Variants in ZCWPW2 observed in about 807,000 individuals in gnomAD.
ZCWPW2 encodes zinc finger CW-type PWWP domain protein 2.
In ZCWPW2, 45 loss-of-function variants were observed where a neutral mutation model predicts 46.6. That is an observed-to-expected ratio of 0.96 (90% CI 0.76 to 1.24). The LOEUF is 1.24. Ranked by LOEUF, ZCWPW2 falls within the 50% of genes most tolerant of loss-of-function variation. The probability of loss-of-function intolerance (pLI) is 0.00; values close to 1 mark genes in which losing one functional copy is unlikely to be tolerated. For missense variants in ZCWPW2, 429 were observed against 403.9 expected (o/e 1.06, Z -0.53); for synonymous variants, 152 against 137.1 (o/e 1.11, Z -0.76).
In ZCWPW2 at chr3:28,435,310, A is replaced by G. The variant is rs574096536; in HGVS notation, c.492+41A>G. The G allele has an allele frequency of 6.5e-6, 10 of 1,540,324 alleles. No individual in the cohort carries two copies. In the Admixed American group the frequency reaches 1.4e-4, roughly 21 times the overall value. On this transcript the variant is annotated intron_variant, in intron 4 of 9. Transcript: ENST00000383768. ...TCAAAACTTTATTCTTCTTGCACTT[A>G]TTTTTAGTTATGGTAATTTTTATCT...
At chr3:28,465,676 C>T (rs1698793448) in intron 4 of ZCWPW2, among the ~76,000 whole-genome samples, 1 of 151,380 alleles carries the variant, frequency 6.6e-6, no homozygotes. Flanking sequence ...TCAAAAGTGC[C>T]CACACAAGAA....
rs1173120068 is a variant in ZCWPW2 at position 28,413,155 on chromosome 3, G to C, written c.87G>C (p.Val29=). Residue 29 remains valine, a synonymous_variant, in exon 3 of 10, where the codon GTG becomes GTC. Transcript: ENST00000383768. ...SSVENMYVNK[V]WVQCENENCL... ...TGGAAAACATGTATGTAAACAAAGT[G>C]TGGGTTCAATGTGAGAATGAAAATT... 2 of 1,613,274 alleles carry C rather than the reference G, an allele frequency of 1.2e-6. No homozygotes were observed. Among genetic ancestry groups the C allele is most frequent in the East Asian group, 4.5e-5 (2 of 44,824 alleles).
chr3:28,447,544 A>C (rs756063695), intron 4 of ZCWPW2, among the ~76,000 whole-genome samples: 3 of 152,216 alleles, frequency 2.0e-5, no homozygotes, highest in African/African-American at 7.2e-5. Context: ...ACTCATGGCA[A>C]ACATTATATT....
chr3:28,444,943 C>T (rs1697926004), intron 4 of ZCWPW2, among the ~76,000 whole-genome samples: 2 of 152,032 alleles, frequency 1.3e-5, no homozygotes, highest in Admixed American at 1.3e-4. Flanking sequence ...AAAGTGTTCA[C>T]ACCAAGGAGT....
intron 3 of ZCWPW2, among the ~76,000 whole-genome samples, chr3:28,421,834 T>TTGTGTG (rs71087697): frequency 0.11 from 15,198 of 133,746 alleles, 982 homozygotes; most frequent in Middle Eastern, 0.18. Flanking sequence ...GGAGAATAGT[T>TTGTGTG]TGTGTGTGTG....
intron 1 of ZCWPW2, among the ~76,000 whole-genome samples, chr3:28,363,332 C>T (rs539485376): frequency 6.6e-6 from 1 of 152,068 alleles, no homozygotes; most frequent in Non-Finnish European, 1.5e-5. Flanking sequence ...TAAACAAGTA[C>T]TTTACCAAAG....
rs564031376 is a variant in ZCWPW2 at position 28,460,843 on chromosome 3, G to A, written c.493-17971G>A. On this transcript the variant is annotated intron_variant, in intron 4 of 9. Coordinates refer to ENST00000383768, the MANE Select transcript of ZCWPW2 (RefSeq NM_001040432.4). ...TTAGAGTCAGCTACACTGCAACTTT[G>A]AATGTATAAATAGCAGTAATTGACA... The A allele has an allele frequency of 1.8e-5, 3 of 164,430 alleles. No individual in the cohort carries two copies. In the South Asian group the frequency reaches 4.4e-4, roughly 24 times the overall value. 10.2% of individuals were successfully genotyped at this position (164,430 alleles called of 1,614,324 possible). A position where few individuals can be genotyped will look rare whatever the true frequency, so the allele number is the denominator to read the frequency against.
Position 28,348,839 on chromosome 3 carries a change from A to C in ZCWPW2, c.-498A>C. 1.8e-6 allele frequency: 1 copy of C among 546,938 alleles called. No homozygotes were observed. The highest frequency in any genetic ancestry group is 2.3e-6 in the Non-Finnish European group (1 of 429,038). The allele number at this position is 546,938 out of a possible 1,614,324, so 33.9% of individuals were successfully genotyped here. ...TCTGGAAGGAGGGACGAGCCGAGGC[A>C]GGAGGGGCCGGGCCGACGCGAGAGA... On this transcript the variant is annotated 5_prime_UTR_variant, in exon 1 of 10. Transcript: ENST00000383768.
intron 2 of ZCWPW2, among the ~76,000 whole-genome samples, chr3:28,409,766 A>C (rs1244826565): frequency 6.6e-6 from 1 of 152,146 alleles, no homozygotes; most frequent in Non-Finnish European, 1.5e-5. Flanking sequence ...GAAAAATATT[A>C]ATTTGTTTTA....
chr3:28,445,763 C>T (rs1207572061), intron 4 of ZCWPW2, among the ~76,000 whole-genome samples: 3 of 152,052 alleles, frequency 2.0e-5, no homozygotes, highest in South Asian at 2.1e-4. Flanking sequence ...TAAAAAGACA[C>T]GATCTTACTA....
At chr3:28,519,676 T>C (rs1281255231) in intron 8 of ZCWPW2, among the ~76,000 whole-genome samples, 1 of 152,144 alleles carries the variant, frequency 6.6e-6, no homozygotes, top group Non-Finnish European at 1.5e-5. Context: ...TAGAAGGTGG[T>C]ATATTAGATT....
intron 5 of ZCWPW2, among the ~76,000 whole-genome samples, chr3:28,490,932 G>A (rs1189396038): frequency 6.6e-6 from 1 of 151,890 alleles, no homozygotes; most frequent in African/African-American, 2.4e-5. Flanking sequence ...GTATATTTCA[G>A]ATTCATATGA....
intron 6 of ZCWPW2, among the ~76,000 whole-genome samples, chr3:28,493,146 TA>T (rs1699879971): frequency 1.8e-5 from 1 of 56,934 alleles, no homozygotes; most frequent in Non-Finnish European, 3.4e-5. Flanking sequence ...TTATTTTTTT[TA>T]ATGTTTTTTT....
chr3:28,448,405 A>G (rs976431788), intron 4 of ZCWPW2, among the ~76,000 whole-genome samples: 2 of 152,164 alleles, frequency 1.3e-5, no homozygotes, highest in Non-Finnish European at 2.9e-5. Flanking sequence ...AATGAAAACT[A>G]CAAAACATTG....
chr3:28,465,892 C>T (rs1698804118), intron 4 of ZCWPW2, among the ~76,000 whole-genome samples: 1 of 152,168 alleles, frequency 6.6e-6, no homozygotes, highest in Non-Finnish European at 1.5e-5. Flanking sequence ...TTCATCACAG[C>T]ATCATTCACA....
intron 2 of ZCWPW2, among the ~76,000 whole-genome samples, chr3:28,402,885 A>C (rs2125730142): frequency 1.3e-5 from 2 of 152,304 alleles, no homozygotes; most frequent in East Asian, 3.9e-4. Context: ...ATCAGCATAC[A>C]AGGAGCAAAG....
At chr3:28,412,460 G>C (rs1328652006) in intron 2 of ZCWPW2, among the ~76,000 whole-genome samples, 7 of 151,984 alleles carry the variant, frequency 4.6e-5, no homozygotes, top group Non-Finnish European at 1.0e-4. Context: ...GGTTCATTTA[G>C]TCATGCAATA....
chr3:28,390,991 T>C (rs912571134), intron 2 of ZCWPW2, among the ~76,000 whole-genome samples: 1 of 152,148 alleles, frequency 6.6e-6, no homozygotes, highest in African/African-American at 2.4e-5. Context: ...AGATGAGAGG[T>C]ACCAGGCTAG....
intron 8 of ZCWPW2, among the ~76,000 whole-genome samples, chr3:28,519,484 C>T (rs1177837423): frequency 6.6e-6 from 1 of 152,110 alleles, no homozygotes; most frequent in Non-Finnish European, 1.5e-5. Flanking sequence ...ACTGTAATGA[C>T]AACCAAGAAA....
Sources: gnomAD v4.1 joint callset for allele counts (sites outside exome capture counted in the v4.1 genomes callset) on GRCh38, gnomAD v4.1.1 for gene constraint, MANE v1.5 for transcripts, NCBI Gene and HGNC (gene_info 2026-07-23, HGNC 2026-07-21) for gene names.